CSMD3: variants seen among roughly 807,000 people sequenced by gnomAD.
CSMD3 encodes the protein CUB and Sushi multiple domains 3, also known as CUB and sushi domain-containing protein 3.
CSMD3 carries 177 observed loss-of-function variants against 435.2 expected under a neutral mutation model. The ratio of observed to expected loss-of-function variants is 0.41; its 90% CI spans 0.36 to 0.46. CSMD3 has a LOEUF of 0.46. Among genes scored for constraint, CSMD3 ranks in the 20% least tolerant of loss-of-function variants. The pLI is 0.34. For missense variants in CSMD3, 4,265 were observed against 4,504.6 expected, an observed-to-expected ratio of 0.95 and a Z score of 1.52; for synonymous variants, 1,656 against 1,520.5, an observed-to-expected ratio of 1.09 and a Z score of -2.07.
At chr8:112,505,049 G>A (rs79483290) in intron 29 of CSMD3, among the ~76,000 whole-genome samples, 4,552 of 152,102 alleles carry the variant, frequency 0.03, 226 homozygotes, top group African/African-American at 0.1. Context: ...AGAAGTTAAC[G>A]TTCCACAATC....
intron 2 of CSMD3, chr8:113,313,806 CA>C (rs1192047239): frequency 9.9e-5 from 15 of 152,060 alleles, no homozygotes; most frequent in African/African-American, 3.4e-4. Context: ...CAAACACTGG[CA>C]TAAATCTAGG....
At chr8:112,490,304 G>C (rs1249149916) in intron 31 of CSMD3, among the ~76,000 whole-genome samples, 1 of 152,050 alleles carries the variant, frequency 6.6e-6, no homozygotes, top group Admixed American at 6.6e-5. Flanking sequence ...TTGAATTCAG[G>C]TCTGCTGTAT....
At chr8:112,334,376 TA>T (rs1216567343) in intron 45 of CSMD3, among the ~76,000 whole-genome samples, 1 of 152,214 alleles carries the variant, frequency 6.6e-6, no homozygotes, top group African/African-American at 2.4e-5. Context: ...TCATGGAATA[TA>T]AGCTTTAAGT....
intron 4 of CSMD3, among the ~76,000 whole-genome samples, chr8:113,125,004 A>T: frequency 6.6e-6 from 1 of 152,022 alleles, no homozygotes; most frequent in East Asian, 1.9e-4. Flanking sequence ...TATGACACCC[A>T]AAGCTCTACA....
chr8:112,303,589 A>G (rs529998577), intron 52 of CSMD3, among the ~76,000 whole-genome samples: 1 of 152,076 alleles, frequency 6.6e-6, no homozygotes, highest in African/African-American at 2.4e-5. Flanking sequence ...AAAACAACAA[A>G]AAAAAATACA....
At chr8:112,422,239 A>G (rs1359423924) in intron 32 of CSMD3, among the ~76,000 whole-genome samples, 1 of 152,200 alleles carries the variant, frequency 6.6e-6, no homozygotes, top group Non-Finnish European at 1.5e-5. Flanking sequence ...GAAATATTTT[A>G]TAATTTATTT....
chr8:112,255,741 G>C, intron 61 of CSMD3: 2 of 336,298 alleles, frequency 5.9e-6, no homozygotes, highest in Non-Finnish European at 5.5e-6. Flanking sequence ...GGACTTGTTG[G>C]CTGCCAAGGT....
chr8:112,964,351 T>A (rs554739813), intron 7 of CSMD3, among the ~76,000 whole-genome samples: 1 of 152,054 alleles, frequency 6.6e-6, no homozygotes, highest in African/African-American at 2.4e-5. Flanking sequence ...AATTTTGATA[T>A]AAAATTTTAA....
At chr8:112,421,450 A>C (rs1270241086) in intron 32 of CSMD3, among the ~76,000 whole-genome samples, 2 of 151,532 alleles carry the variant, frequency 1.3e-5, no homozygotes, top group Non-Finnish European at 2.9e-5. Flanking sequence ...AGGCTGAGGC[A>C]GGAGAATTAC....
chr8:113,108,680 TCAGAGA>T (rs1175514028), intron 4 of CSMD3, among the ~76,000 whole-genome samples: 1 of 152,066 alleles, frequency 6.6e-6, no homozygotes, highest in South Asian at 2.1e-4. Context: ...CAAAAACATA[TCAGAGA>T]CAAACAATTA....
intron 13 of CSMD3, among the ~76,000 whole-genome samples, chr8:112,757,269 A>C (rs970945611): frequency 1.3e-5 from 2 of 152,108 alleles, no homozygotes; most frequent in African/African-American, 4.8e-5. Flanking sequence ...TATATTTTTC[A>C]TAGAAGTTTG....
At chr8:112,954,246 G>C (rs1564144561) in intron 8 of CSMD3, among the ~76,000 whole-genome samples, 1 of 151,368 alleles carries the variant, frequency 6.6e-6, no homozygotes, top group Non-Finnish European at 1.5e-5. Context: ...ATTAAGACTT[G>C]TTTTTTCTGA....
chr8:112,356,532 G>A (rs1826621967), intron 38 of CSMD3, among the ~76,000 whole-genome samples: 1 of 151,910 alleles, frequency 6.6e-6, no homozygotes, highest in Non-Finnish European at 1.5e-5. Flanking sequence ...AGGAGGGCAA[G>A]GGTTGAAAAT....
chr8:112,716,019 C>A (rs1431397663), intron 13 of CSMD3, among the ~76,000 whole-genome samples: 2 of 152,144 alleles, frequency 1.3e-5, no homozygotes, highest in East Asian at 1.9e-4. Context: ...TGGCACAAAA[C>A]AAAGATGCAC....
intron 13 of CSMD3, among the ~76,000 whole-genome samples, chr8:112,704,817 C>T (rs2076464474): frequency 6.6e-6 from 1 of 151,982 alleles, no homozygotes; most frequent in Non-Finnish European, 1.5e-5. Context: ...TTCCTGAAAC[C>T]TCATAACACT....
intron 4 of CSMD3, among the ~76,000 whole-genome samples, chr8:113,112,936 T>C (rs1294322598): frequency 6.6e-6 from 1 of 152,206 alleles, no homozygotes; most frequent in African/African-American, 2.4e-5. Flanking sequence ...CTAACTTTTG[T>C]GCACAGTGCA....
chr8:112,539,906 T>C lies in CSMD3; in HGVS notation c.4564+10765A>G, dbSNP rs79237269. 2.5e-3 allele frequency among the ~76,000 whole-genome samples: 387 copies of C among 152,044 alleles called. 3 individuals carry two copies. Among genetic ancestry groups the C allele is most frequent in the African/African-American group, 9.0e-3 (375 of 41,534 alleles). ...AAGCAAAACTAAACGAATGTGATTA[T>C]ATCAAACTAAACAGCTTCTGTAAAG... On this transcript the variant is annotated intron_variant, in intron 27 of 70. Coordinates refer to ENST00000297405, the MANE Select transcript of CSMD3 (RefSeq NM_198123.2).
chr8:113,337,449 T>TATGA (rs1376440706), intron 1 of CSMD3, among the ~76,000 whole-genome samples: 1 of 151,990 alleles, frequency 6.6e-6, no homozygotes, highest in Non-Finnish European at 1.5e-5. Flanking sequence ...CATGCAAAAG[T>TATGA]ATGAACACTA....
rs547856743 is a variant in CSMD3, at chr8:112,288,195, A to C, written c.9149-949T>G. On this transcript the variant is annotated intron_variant, in intron 57 of 70. Transcript: ENST00000297405. Reference sequence around the variant, plus strand: ...CACAAAATTTTAAGATTAGTATTTCACTTTTAAATATCTGTGTACCATTTT... The same window carrying C: ...CACAAAATTTTAAGATTAGTATTTCCCTTTTAAATATCTGTGTACCATTTT... 1.2e-3 allele frequency among the ~76,000 whole-genome samples: 163 copies of C among 134,848 alleles called. 1 individual carries two copies. The highest frequency in any genetic ancestry group is 0.01 in the Middle Eastern group (2 of 200). The allele number at this position is 134,848 out of a possible 152,430, so 88.5% of individuals were successfully genotyped here.
Sources: gnomAD v4.1 joint callset for allele counts (sites outside exome capture counted in the v4.1 genomes callset) on GRCh38, gnomAD v4.1.1 for gene constraint, MANE v1.5 for transcripts, NCBI Gene and HGNC (gene_info 2026-07-23, HGNC 2026-07-21) for gene names.